TET2: variants seen among roughly 807,000 people sequenced by gnomAD.
TET2 encodes tet methylcytosine dioxygenase 2.
In TET2, 299 loss-of-function variants were observed where a neutral mutation model predicts 142.9. That is an observed-to-expected ratio of 2.09 (90% CI 1.90 to 2.30). TET2 has a LOEUF of 2.30. Ranked by LOEUF, TET2 falls within the 30% of genes most tolerant of loss-of-function variation. The pLI is 0.00. For missense variants in TET2, 2,418 were observed against 2,378.0 expected (o/e 1.02, Z -0.35); for synonymous variants, 819 against 849.0 (o/e 0.96, Z 0.61).
rs1560544611 is a variant in TET2, at chr4:105,235,922, GCACTT to G, written c.1982_1986del (p.His661LeufsTer18). 6.2e-7 allele frequency: 1 copy of G among 1,614,098 alleles called. No homozygotes were observed. Among genetic ancestry groups the G allele is most frequent in the Non-Finnish European group, 8.5e-7 (1 of 1,180,012 alleles). On this transcript the variant is annotated frameshift_variant, in exon 3 of 11. Transcript: ENST00000380013. LOFTEE classifies it high-confidence loss of function. ...AGTTCCAAAAACCCTCACACCAGGT[GCACTT>G]CTCCAAAACAGACCATTTACCAAAA...
chr4:105,248,241 T>C, intron 6 of TET2, among the ~76,000 whole-genome samples: 1 of 152,202 alleles, frequency 6.6e-6, no homozygotes, highest in East Asian at 1.9e-4. Flanking sequence ...TTCACATCAA[T>C]TGATGATCAT....
At chr4:105,163,854 A>AGT (rs111673454) in intron 1 of TET2, among the ~76,000 whole-genome samples, 970 of 85,062 alleles carry the variant, frequency 0.011, 31 homozygotes, top group South Asian at 0.036. Flanking sequence ...AGAGAGAGAG[A>AGT]GTGTGTGTGT....
chr4:105,163,625 A>G (rs1201260165), intron 1 of TET2, among the ~76,000 whole-genome samples: 1 of 152,102 alleles, frequency 6.6e-6, no homozygotes, highest in Non-Finnish European at 1.5e-5. Context: ...TACTCTCCTC[A>G]CTTTACTAAG....
chr4:105,240,396 G>A (rs1254185725), intron 3 of TET2: 1 of 1,071,384 alleles, frequency 9.3e-7, no homozygotes, highest in Non-Finnish European at 1.1e-6. Flanking sequence ...TATTTTTGCT[G>A]ATGGATGTAG....
intron 2 of TET2, among the ~76,000 whole-genome samples, chr4:105,211,419 T>C (rs1047247348): frequency 1.2e-4 from 18 of 152,106 alleles, no homozygotes; most frequent in African/African-American, 4.3e-4. Context: ...TAGAACAATA[T>C]GTTAAAGATA....
intron 6 of TET2, among the ~76,000 whole-genome samples, chr4:105,247,751 T>C (rs1203842203): frequency 7.6e-6 from 1 of 131,188 alleles, no homozygotes; most frequent in Non-Finnish European, 1.6e-5. Context: ...AGACAGGCTC[T>C]CGCTCTGTCG....
intron 4 of TET2, chr4:105,241,825 T>A (rs1289207009): frequency 1.3e-5 from 16 of 1,248,232 alleles, no homozygotes; most frequent in African/African-American, 1.6e-5. Flanking sequence ...AACCACTGAA[T>A]TAAATTCACC....
At chr4:105,155,213 T>G (rs929350082) in intron 1 of TET2, among the ~76,000 whole-genome samples, 2 of 152,242 alleles carry the variant, frequency 1.3e-5, no homozygotes, top group African/African-American at 2.4e-5. Context: ...ATATCTCCAC[T>G]TGTCATGTTT....
Position 105,235,981 on chromosome 4 carries a change from G to T in TET2, c.2039G>T (p.Arg680Ile), listed in dbSNP as rs759927654. ...CATGTGCAGTCACTGTGTGGCACTA[G>T]ATTTCATTTTCAACAAAGAGCAGAT... The part of the protein sequence containing the change: ...KAHVQSLCGT[R>I]FHFQQRADSQ... Residue 680 changes from arginine to isoleucine, a missense_variant, in exon 3 of 11, where the codon AGA (arginine) becomes ATA (isoleucine). By Grantham distance (97) the Arg-to-Ile change is moderately conservative. Transcript: ENST00000380013. The T allele has an allele frequency of 4.0e-5, 65 of 1,614,010 alleles. No individual in the cohort carries two copies. The Admixed American group carries it at 1.1e-3, about 26-fold the overall frequency.
chr4:105,155,876 A>G (rs965133052), intron 1 of TET2, among the ~76,000 whole-genome samples: 2 of 152,226 alleles, frequency 1.3e-5, no homozygotes. Context: ...CATAGCATCT[A>G]CTTGTAGGTT....
chr4:105,192,059 A>G (rs1031912965), intron 2 of TET2, among the ~76,000 whole-genome samples: 10 of 152,142 alleles, frequency 6.6e-5, no homozygotes, highest in Admixed American at 2.0e-4. Context: ...CTTGTCTTTT[A>G]CATGAGAACT....
chr4:105,234,679 C>T lies in TET2; in HGVS notation c.737C>T (p.Thr246Ile). 8.7e-6 allele frequency: 14 copies of T among 1,614,092 alleles called. No homozygotes were observed. The highest frequency in any genetic ancestry group is 1.2e-5 in the Non-Finnish European group (14 of 1,180,022). ...GTTTCCATTGCGGTGCAGAAAACCA[C>T]ATCTCACATAAATGCCATTAACAGT... ...DCVSIAVQKTTSHINAINSQA... is the reference protein window; with the variant it reads ...DCVSIAVQKTISHINAINSQA... The change falls in exon 3 of 11, where the codon ACA (threonine) becomes ATA (isoleucine). Residue 246 changes from threonine (T) to isoleucine (I), a missense_variant. Coordinates refer to ENST00000380013, the MANE Select transcript of TET2 (RefSeq NM_001127208.3).
chr4:105,268,278 CAAAAT>C (rs1014324494), intron 8 of TET2, among the ~76,000 whole-genome samples: 1 of 151,844 alleles, frequency 6.6e-6, no homozygotes. Context: ...ATAAATAAAT[CAAAAT>C]AAACCATTAA....
chr4:105,156,941 T>C (rs1408174191), intron 1 of TET2, among the ~76,000 whole-genome samples: 2 of 152,190 alleles, frequency 1.3e-5, no homozygotes, highest in African/African-American at 4.8e-5. Flanking sequence ...TTTGAAGTTA[T>C]AGAATTTTTA....
At chr4:105,175,019 G>A (rs929760671) in intron 1 of TET2, among the ~76,000 whole-genome samples, 1 of 152,152 alleles carries the variant, frequency 6.6e-6, no homozygotes, top group Non-Finnish European at 1.5e-5. Context: ...GAGAAAACTG[G>A]TGAAGTTCAT....
At chr4:105,210,475 C>T (rs1409712995) in intron 2 of TET2, among the ~76,000 whole-genome samples, 1 of 152,126 alleles carries the variant, frequency 6.6e-6, no homozygotes, top group African/African-American at 2.4e-5. Context: ...ACACAGTTCA[C>T]AATTTTCTCC....
At chr4:105,165,328 A>G (rs1724096921) in intron 1 of TET2, among the ~76,000 whole-genome samples, 1 of 152,176 alleles carries the variant, frequency 6.6e-6, no homozygotes, top group Non-Finnish European at 1.5e-5. Context: ...GTGAGCTGAG[A>G]TCGTGCCATT....
At position 105,221,948 on chromosome 4, in the gene TET2, A is replaced by C. The variant is rs549376733; in HGVS notation, c.-46-11949A>C. Among the ~76,000 whole-genome samples the C allele has an allele frequency of 1.4e-3, 198 of 145,692 alleles. 1 individual carries two copies. The highest frequency in any genetic ancestry group is 4.6e-3 in the African/African-American group (179 of 38,896). On this transcript the variant is annotated intron_variant, in intron 2 of 10. Transcript: ENST00000380013. ...TCTCATTGTTCAATTCCCACCTATGAGTGAGAATATGCGGTGTTTGGTTTT... is the reference window on the plus strand; with the variant it reads ...TCTCATTGTTCAATTCCCACCTATGCGTGAGAATATGCGGTGTTTGGTTTT...
At chr4:105,195,799 G>A (rs1726054557) in intron 2 of TET2, among the ~76,000 whole-genome samples, 1 of 152,148 alleles carries the variant, frequency 6.6e-6, no homozygotes, top group South Asian at 2.1e-4. Flanking sequence ...TGACTATAAT[G>A]TTGTCTATGT....
Sources: gnomAD v4.1 joint callset for allele counts (sites outside exome capture counted in the v4.1 genomes callset) on GRCh38, gnomAD v4.1.1 for gene constraint, MANE v1.5 for transcripts, NCBI Gene and HGNC (gene_info 2026-07-23, HGNC 2026-07-21) for gene names.